The following TLR7 variants were observed in gnomAD, a reference collection of about 807,000 sequenced individuals.
TLR7 encodes toll like receptor 7.
Under a neutral mutation model 38.3 loss-of-function variants are expected in TLR7, and 12 were observed. The ratio of observed to expected loss-of-function variants is 0.31; its 90% CI spans 0.20 to 0.51. The LOEUF is 0.51. Among genes scored for constraint, TLR7 ranks in the 20% least tolerant of loss-of-function variants. The pLI, the probability that TLR7 is intolerant of heterozygous loss-of-function variation, is 0.98. For synonymous variants in TLR7, 285 were observed against 293.8 expected, an observed-to-expected ratio of 0.97 and a Z score of 0.31; for missense variants, 504 against 743.4, an observed-to-expected ratio of 0.68 and a Z score of 3.74.
chrX:12,879,991 C>A (rs1386878092), intron 2 of TLR7, among the ~76,000 whole-genome samples: 2 of 111,982 alleles, frequency 1.8e-5, no homozygotes, highest in African/African-American at 6.5e-5. Context: ...GGAATAAGAA[C>A]AACGTACAGT....
intron 2 of TLR7, among the ~76,000 whole-genome samples, chrX:12,874,988 C>T (rs2042865701): frequency 9.4e-6 from 1 of 106,849 alleles, no homozygotes; most frequent in Non-Finnish European, 1.9e-5. Context: ...ATTAGTAATT[C>T]GATCTCTACA....
chrX:12,885,502 A>T lies in TLR7; in HGVS notation c.4-10A>T, dbSNP rs777238386. 2.6e-6 allele frequency: 3 copies of T among 1,170,178 alleles called. No homozygotes were observed. Among genetic ancestry groups the T allele is most frequent in the Non-Finnish European group, 3.4e-6 (3 of 869,788 alleles). On this transcript the variant is annotated splice_polypyrimidine_tract_variant and intron_variant, in intron 2 of 2. Coordinates refer to ENST00000380659, the MANE Select transcript of TLR7 (RefSeq NM_016562.4). ...TTAGAACAATGATTTGTTCTTTCTT[A>T]TACTTTCAGGTGTTTCCAATGTGGA...
At chrX:12,877,728 C>A (rs2042877869) in intron 2 of TLR7, 1 of 110,656 alleles carries the variant, frequency 9.0e-6, no homozygotes, top group Admixed American at 9.7e-5. Context: ...AGTCCGTCTG[C>A]AGCTCCACTT....
chrX:12,873,840 G>T (rs1019964840), intron 2 of TLR7, among the ~76,000 whole-genome samples: 8 of 111,837 alleles, frequency 7.2e-5, no homozygotes, highest in African/African-American at 2.6e-4. Context: ...CTTAGTAGTA[G>T]ATCATGCATA....
intron 2 of TLR7, among the ~76,000 whole-genome samples, chrX:12,872,593 G>A (rs760894994): frequency 3.6e-5 from 4 of 110,866 alleles, no homozygotes; most frequent in Admixed American, 1.9e-4. Flanking sequence ...GTGCCAGTAC[G>A]CGCGAGGTGA....
At chrX:12,868,421 C>T (rs1602432282) in intron 2 of TLR7, among the ~76,000 whole-genome samples, 2 of 111,602 alleles carry the variant, frequency 1.8e-5, no homozygotes, top group African/African-American at 6.5e-5. Context: ...AGCCAAAGGC[C>T]GAAGCCTAGG....
chrX:12,871,135 G>T (rs1376626754), intron 2 of TLR7, among the ~76,000 whole-genome samples: 1 of 111,815 alleles, frequency 8.9e-6, no homozygotes, highest in Non-Finnish European at 1.9e-5. Flanking sequence ...TTAAAAAAAA[G>T]CAAGTGGTTT....
intron 2 of TLR7, among the ~76,000 whole-genome samples, chrX:12,878,486 G>A (rs5743753): frequency 0.013 from 1,433 of 112,066 alleles, 18 homozygotes; most frequent in African/African-American, 0.043. Flanking sequence ...TAAGTTTGCT[G>A]ACTTATTGGT....
chrX:12,879,605 T>A (rs764688631), intron 2 of TLR7, among the ~76,000 whole-genome samples: 1 of 109,958 alleles, frequency 9.1e-6, no homozygotes, highest in Non-Finnish European at 1.9e-5. Context: ...CCAAGATGGC[T>A]GGCTACAACA....
Position 12,886,091 on chromosome X carries a change from A to T in TLR7, c.583A>T (p.Ile195Leu), listed in dbSNP as rs2042910141. 8 of 1,211,311 alleles carry T rather than the reference A, an allele frequency of 6.6e-6. No individual in the cohort carries two copies. The highest frequency in any genetic ancestry group is 8.9e-6 in the Non-Finnish European group (8 of 894,966). ...AAATCCTTGTTATGTTTCATATTCA[A>T]TAGAGAAAGATGCCTTCCTAAACTT... The part of the protein sequence containing the change: ...YRNPCYVSYS[I>L]EKDAFLNLTK... The change falls in exon 3 of 3, where the codon ATA becomes TTA. Residue 195 changes from isoleucine to leucine, a missense_variant. Transcript: ENST00000380659.
At position 12,885,842 on chromosome X, in the gene TLR7, T is replaced by G; in HGVS notation, c.334T>G (p.Cys112Gly). 1 of 1,212,025 alleles carries G rather than the reference T, an allele frequency of 8.3e-7. No homozygotes were observed. Among genetic ancestry groups the G allele is most frequent in the Non-Finnish European group, 1.1e-6 (1 of 895,607 alleles). The stretch of plus-strand genomic sequence containing the variant: ...TCCACTGGGGTCAAAAAACAACATG[T>G]GCATCAAGAGGCTGCAGATTAAACC... Reference protein sequence around the residue: ...PIPLGSKNNMCIKRLQIKPRS... With the variant: ...PIPLGSKNNMGIKRLQIKPRS... The change falls in exon 3 of 3, where the codon TGC becomes GGC. Residue 112 changes from cysteine (C) to glycine (G), a missense_variant. Transcript: ENST00000380659.
In TLR7 at chrX:12,882,711, A is replaced by G. The variant is rs1410665276; in HGVS notation, c.4-2801A>G. On this transcript the variant is annotated intron_variant, in intron 2 of 2. Transcript: ENST00000380659. ...GTGAAGGTGACTTGATTTTTCCACA[A>G]CTAAACTTCCTTCATTTCACAGCCT... Among the ~76,000 whole-genome samples the G allele has an allele frequency of 3.6e-5, 4 of 112,245 alleles. No individual in the cohort carries two copies. The Admixed American group carries it at 3.8e-4, about 11-fold the overall frequency.
In TLR7 at chrX:12,886,613, C is replaced by T; in HGVS notation, c.1105C>T (p.Leu369=). 8 of 1,211,858 alleles carry T rather than the reference C, an allele frequency of 6.6e-6. No individual in the cohort carries two copies. The highest frequency in any genetic ancestry group is 8.9e-6 in the Non-Finnish European group (8 of 895,529). ...SMNLSQAFSS[L]KSLKILRIRG... ...GAATCTATCACAAGCATTTTCTTCA[C>T]TGAAAAGCCTGAAAATTCTGCGGAT... is the stretch of plus-strand genomic sequence containing the variant. The change falls in exon 3 of 3, where the codon CTG becomes TTG. Residue 369 remains leucine, a synonymous_variant. Coordinates refer to ENST00000380659, the MANE Select transcript of TLR7 (RefSeq NM_016562.4).
Position 12,885,997 on chromosome X carries a change from C to G in TLR7, c.489C>G (p.Ile163Met). ...TTGAGGCCAACAACATCTTTTCCAT[C>G]AGAAAAGAGAATCTAACAGAACTGG... ...LSLEANNIFS[I>M]RKENLTELAN... Residue 163 changes from isoleucine to methionine, a missense_variant, in exon 3 of 3, where the codon ATC (isoleucine) becomes ATG (methionine). Coordinates refer to ENST00000380659, the MANE Select transcript of TLR7 (RefSeq NM_016562.4). 1 of 1,211,905 alleles carries G rather than the reference C, an allele frequency of 8.3e-7. No individual in the cohort carries two copies. Among genetic ancestry groups the G allele is most frequent in the Non-Finnish European group, 1.1e-6 (1 of 895,506 alleles).
At chrX:12,868,330 A>T (rs1295348505) in intron 2 of TLR7, among the ~76,000 whole-genome samples, 1 of 112,248 alleles carries the variant, frequency 8.9e-6, no homozygotes, top group Non-Finnish European at 1.9e-5. Context: ...GAGGGTGATC[A>T]CATACCAAGA....
intron 2 of TLR7, among the ~76,000 whole-genome samples, chrX:12,875,591 T>C (rs5743745): frequency 0.022 from 2,457 of 111,684 alleles, 69 homozygotes; most frequent in African/African-American, 0.075. Context: ...TGGGAGGTAA[T>C]TGAATCATGG....
In TLR7 at chrX:12,888,048, T is replaced by C. The variant is rs770241880; in HGVS notation, c.2540T>C (p.Ile847Thr). 2.5e-6 allele frequency: 3 copies of C among 1,210,055 alleles called. No homozygotes were observed. In the African/African-American group the frequency reaches 5.2e-5, roughly 21 times the overall value. Residue 847 changes from isoleucine (I) to threonine (T), a missense_variant, in exon 3 of 3, where the codon ATA (isoleucine) becomes ACA (threonine). Transcript: ENST00000380659. ...LTNLILFSLSISVSLFLMVMM... is the reference protein window; with the variant it reads ...LTNLILFSLSTSVSLFLMVMM... ...AACCTGATTCTGTTCTCACTTTCCA[T>C]ATCTGTATCTCTCTTTCTCATGGTG...
intron 2 of TLR7, among the ~76,000 whole-genome samples, chrX:12,882,713 T>C (rs1296687925): frequency 7.1e-5 from 8 of 112,293 alleles, no homozygotes; most frequent in Admixed American, 3.8e-4. Context: ...TTTCCACAAC[T>C]AAACTTCCTT....
At chrX:12,884,171 G>A in intron 2 of TLR7, among the ~76,000 whole-genome samples, 1 of 111,248 alleles carries the variant, frequency 9.0e-6, no homozygotes, top group South Asian at 3.8e-4. Flanking sequence ...AGAGAGAGGG[G>A]TCTCACGCTA....
Sources: gnomAD v4.1 joint callset for allele counts (sites outside exome capture counted in the v4.1 genomes callset) on GRCh38, gnomAD v4.1.1 for gene constraint, MANE v1.5 for transcripts, NCBI Gene and HGNC (gene_info 2026-07-23, HGNC 2026-07-21) for gene names.